WDR36: variants seen among roughly 807,000 people sequenced by gnomAD.
The protein encoded by WDR36 is WD repeat domain 36.
A neutral mutation model predicts 112.7 loss-of-function variants in WDR36; 63 were observed. The observed-to-expected ratio is 0.56, with a 90% CI of 0.46 to 0.69. The LOEUF (loss-of-function observed/expected upper bound fraction) is 0.69. WDR36 is among the 30% of genes least tolerant of loss of function. The pLI, the probability that WDR36 is intolerant of heterozygous loss-of-function variation, is 0.00. For synonymous variants in WDR36, 410 were observed against 362.2 expected (o/e 1.13, Z -1.50); for missense variants, 1,226 against 1,070.3 (o/e 1.15, Z -2.03).
intron 10 of WDR36, 100 bp downstream of exon 10, chr5:111,105,460 C>A: frequency 9.4e-7 from 1 of 1,068,662 alleles, no homozygotes; most frequent in Non-Finnish European, 1.4e-6. Flanking sequence ...TTTATTTTTT[C>A]TTGGATGAAC....
At position 111,105,326 on chromosome 5, in the gene WDR36, G is replaced by C. The variant is rs530423287; in HGVS notation, c.1059G>C (p.Thr353=). ...SQDGTLQSFS[T]VHEKFNKSLG... ...ATGGAACTCTTCAGTCATTTTCCAC[G>C]GTACATGAAAAATTCAATAAGAGCT... is the stretch of plus-strand genomic sequence containing the variant. The change falls in exon 10 of 23, where the codon ACG becomes ACC. Residue 353 remains threonine (T), a synonymous_variant. Transcript: ENST00000513710. The C allele has an allele frequency of 2.5e-6, 4 of 1,609,700 alleles. No individual in the cohort carries two copies. Among genetic ancestry groups the C allele is most frequent in the African/African-American group, 2.7e-5 (2 of 74,590 alleles).
intron 19 of WDR36, 125 bp from the exon 20 acceptor site, chr5:111,123,679 CT>C: frequency 7.9e-7 from 1 of 1,263,552 alleles, no homozygotes; most frequent in Non-Finnish European, 1.1e-6. Context: ...TTTTAACATT[CT>C]TATGTGAAAG....
rs1464714258 is a variant in WDR36 at position 111,098,748 on chromosome 5, G to C, written c.318G>C (p.Lys106Asn). ...KEIVHTFKGH[K>N]AEIHFLQPFG... is the part of the protein sequence containing the mutation. The stretch of plus-strand genomic sequence containing the variant: ...TAGTACATACCTTTAAGGGTCATAA[G>C]GCAGAAATCCATTTCTTGCAACCCT... The change falls in exon 4 of 23, where the codon AAG becomes AAC. Residue 106 changes from lysine to asparagine, a missense_variant. Coordinates refer to ENST00000513710, the MANE Select transcript of WDR36 (RefSeq NM_139281.3). The C allele has an allele frequency of 3.7e-6, 6 of 1,610,776 alleles. No individual in the cohort carries two copies. In the African/African-American group the frequency reaches 8.0e-5, roughly 22 times the overall value.
intron 22 of WDR36, among the ~76,000 whole-genome samples, chr5:111,126,348 T>G (rs1011279156): frequency 6.6e-6 from 1 of 152,122 alleles, no homozygotes; most frequent in African/African-American, 2.4e-5. Context: ...GGTGAACTCA[T>G]GTTTTGAGGG....
At chr5:111,105,916 A>T (rs553098748) in intron 10 of WDR36, 141 bp from the exon 11 acceptor site, 1 of 663,010 alleles carries the variant, frequency 1.5e-6, no homozygotes, top group South Asian at 1.8e-5. Flanking sequence ...TAACAGTGGT[A>T]ATAACATCTT....
intron 11 of WDR36, among the ~76,000 whole-genome samples, chr5:111,106,875 T>A (rs1753230404): frequency 1.3e-5 from 2 of 151,336 alleles, no homozygotes; most frequent in Non-Finnish European, 3.0e-5. Flanking sequence ...GTTTTGTTCA[T>A]TTTTTTCTTG....
At chr5:111,114,056 G>A (rs964732331) in intron 16 of WDR36, among the ~76,000 whole-genome samples, 8 of 152,116 alleles carry the variant, frequency 5.3e-5, no homozygotes, top group African/African-American at 1.2e-4. Flanking sequence ...TGGTTAAAAC[G>A]TAACAAATGT....
At chr5:111,117,856 C>A (rs1479854260) in intron 16 of WDR36, among the ~76,000 whole-genome samples, 1 of 152,184 alleles carries the variant, frequency 6.6e-6, no homozygotes. Context: ...CTGCTTAAAG[C>A]TATTCTCGCT....
Position 111,098,775 on chromosome 5 carries a change from T to C in WDR36, c.345T>C (p.Phe115=), listed in dbSNP as rs1753049248. The C allele has an allele frequency of 6.2e-7, 1 of 1,613,074 alleles. No homozygotes were observed. The highest frequency in any genetic ancestry group is 1.7e-5 in the Admixed American group (1 of 59,950). Residue 115 remains phenylalanine (F), a synonymous_variant, in exon 4 of 23, where the codon TTT becomes TTC. Transcript: ENST00000513710. The stretch of plus-strand genomic sequence containing the variant: ...CAGAAATCCATTTCTTGCAACCCTT[T>C]GGAGACCACATTATCTCTGTTGATA... ...HKAEIHFLQP[F]GDHIISVDTD...
chr5:111,120,125 A>G (rs1263545709), intron 17 of WDR36, among the ~76,000 whole-genome samples: 2 of 152,118 alleles, frequency 1.3e-5, no homozygotes, highest in African/African-American at 4.8e-5. Flanking sequence ...CCACAAGAAT[A>G]TGCTCAGCAT....
intron 4 of WDR36, among the ~76,000 whole-genome samples, chr5:111,099,608 C>T (rs1233568784): frequency 2.0e-5 from 3 of 151,294 alleles, no homozygotes; most frequent in African/African-American, 7.3e-5. Context: ...AAAAGTATTC[C>T]CTGTGCAGAT....
intron 16 of WDR36, among the ~76,000 whole-genome samples, chr5:111,117,424 G>C (rs1166200038): frequency 6.6e-6 from 1 of 152,206 alleles, no homozygotes; most frequent in African/African-American, 2.4e-5. Context: ...GCTGCTCACA[G>C]TGTGTGTCCC....
intron 5 of WDR36, among the ~76,000 whole-genome samples, chr5:111,101,612 C>G (rs1275999875): frequency 6.6e-6 from 1 of 151,842 alleles, no homozygotes; most frequent in East Asian, 1.9e-4. Flanking sequence ...TGGCAGCTCA[C>G]ACTTCTTTGT....
chr5:111,127,937 T>C lies in WDR36; in HGVS notation c.*1054T>C. The stretch of plus-strand genomic sequence containing the variant: ...TGTTTTGTTTTGTTTTTTTTTTTTT[T>C]TTTTTGGCTACACTTTTTTGGGGGG... On this transcript the variant is annotated 3_prime_UTR_variant, in exon 23 of 23. Coordinates refer to ENST00000513710, the MANE Select transcript of WDR36 (RefSeq NM_139281.3). 1 of 204,650 alleles carries C rather than the reference T, an allele frequency of 4.9e-6. No homozygotes were observed. Among genetic ancestry groups the C allele is most frequent in the African/African-American group, 2.3e-5 (1 of 43,384 alleles). The allele number at this position is 204,650 out of a possible 1,614,324, so 12.7% of individuals were successfully genotyped here.
intron 16 of WDR36, among the ~76,000 whole-genome samples, chr5:111,117,330 G>T (rs1001541029): frequency 6.6e-6 from 1 of 151,916 alleles, no homozygotes; most frequent in Non-Finnish European, 1.5e-5. Context: ...ATTTTTATTG[G>T]CTCTTTTAGC....
At chr5:111,101,535 T>C (rs1054969303) in intron 5 of WDR36, among the ~76,000 whole-genome samples, 2 of 151,858 alleles carry the variant, frequency 1.3e-5, no homozygotes, top group African/African-American at 4.8e-5. Flanking sequence ...TTGATGTAGC[T>C]AGAGGGCTGG....
In WDR36 at chr5:111,110,392, G is replaced by A. The variant is rs34962120; in HGVS notation, c.1441+89G>A. On this transcript the variant is annotated intron_variant, in intron 13 of 22. Coordinates refer to ENST00000513710, the MANE Select transcript of WDR36 (RefSeq NM_139281.3). Reference sequence around the variant, plus strand: ...GGTATGTATAATCTTTAAGTGCTGGGCATTTTGCTAAAGTTGAAGATGGGT... The same window carrying A: ...GGTATGTATAATCTTTAAGTGCTGGACATTTTGCTAAAGTTGAAGATGGGT... The A allele has an allele frequency of 0.3, 329,327 of 1,087,124 alleles. 53,599 individuals are homozygous for A. Among genetic ancestry groups the A allele is most frequent in the Middle Eastern group, 0.4 (1,711 of 4,250 alleles). The allele number at this position is 1,087,124 out of a possible 1,614,324, so 67.3% of individuals were successfully genotyped here.
Position 111,119,029 on chromosome 5 carries a change from T to C in WDR36, c.1813T>C (p.Leu605=), listed in dbSNP as rs150378814. The part of the protein sequence containing the change: ...LPSGCLIDCF[L]LDSAPLNVSM... ...TTTCTGTAGCCTTATAGACTGCTTT[T>C]TGTTGGACTCGGCTCCTCTCAATGT... The change falls in exon 17 of 23, where the codon TTG becomes CTG. Residue 605 remains leucine (L), a synonymous_variant. Transcript: ENST00000513710. The C allele has an allele frequency of 3.3e-4, 538 of 1,613,570 alleles. 2 individuals carry two copies. In the African/African-American group the frequency reaches 6.2e-3, roughly 19 times the overall value.
chr5:111,122,872 A>G (rs1001699767), intron 19 of WDR36, among the ~76,000 whole-genome samples: 1 of 152,124 alleles, frequency 6.6e-6, no homozygotes, highest in African/African-American at 2.4e-5. Flanking sequence ...CCACTTTGGG[A>G]GGCTGAAATG....
Sources: allele counts gnomAD v4.1 joint callset (sites outside exome capture counted in the v4.1 genomes callset), GRCh38; gene constraint gnomAD v4.1.1; transcripts MANE v1.5; gene names NCBI Gene and HGNC (gene_info 2026-07-23, HGNC 2026-07-21).